SYT16: variants seen among roughly 807,000 people sequenced by gnomAD.
The protein encoded by SYT16 is synaptotagmin 16, also known as synaptotagmin-16.
In SYT16, 42 loss-of-function variants were observed where a neutral mutation model predicts 61.4. The observed-to-expected ratio is 0.68, with a 90% CI of 0.53 to 0.89. The LOEUF (loss-of-function observed/expected upper bound fraction) is 0.89. SYT16 is among the 40% of genes least tolerant of loss of function. The pLI is 0.00. For missense variants in SYT16, 804 were observed against 807.3 expected (o/e 1.00, Z 0.05); for synonymous variants, 314 against 302.3 (o/e 1.04, Z -0.40).
chr14:62,069,512 A>C (rs1230787888), intron 3 of SYT16, 91 bp from the exon 4 acceptor site: 2 of 1,288,262 alleles, frequency 1.6e-6, no homozygotes, highest in Admixed American at 4.1e-5. Context: ...CTCATTGTCC[A>C]CGTTCTTCTC....
At chr14:61,882,180 A>G (rs1594820124) in intron 1 of SYT16, among the ~76,000 whole-genome samples, 2 of 152,216 alleles carry the variant, frequency 1.3e-5, no homozygotes, top group South Asian at 4.1e-4. Flanking sequence ...ATTGTGCCAT[A>G]TACTATCCTC....
intron 3 of SYT16, among the ~76,000 whole-genome samples, chr14:62,038,164 T>C (rs1490515992): frequency 6.6e-6 from 1 of 151,644 alleles, no homozygotes; most frequent in African/African-American, 2.4e-5. Context: ...TAGTTTCGCT[T>C]GCAGGCATCT....
At chr14:62,060,097 A>G (rs1044392297) in intron 3 of SYT16, among the ~76,000 whole-genome samples, 4 of 152,074 alleles carry the variant, frequency 2.6e-5, no homozygotes, top group Admixed American at 6.5e-5. Flanking sequence ...TGACTACTCT[A>G]GGTCCTTTAT....
intron 1 of SYT16, among the ~76,000 whole-genome samples, chr14:61,917,340 A>T (rs1004965968): frequency 1.2e-4 from 19 of 152,080 alleles, no homozygotes; most frequent in Non-Finnish European, 2.6e-4. Flanking sequence ...TGACTAATCA[A>T]ATCAGTGGCC....
chr14:61,926,681 T>C (rs1211582580), intron 1 of SYT16, among the ~76,000 whole-genome samples: 1 of 152,168 alleles, frequency 6.6e-6, no homozygotes, highest in East Asian at 1.9e-4. Context: ...TGGAAATTCT[T>C]AACTTGGACT....
chr14:61,880,193 G>C (rs1031562589), intron 1 of SYT16, among the ~76,000 whole-genome samples: 1 of 152,162 alleles, frequency 6.6e-6, no homozygotes, highest in African/African-American at 2.4e-5. Flanking sequence ...TCCATTTGTT[G>C]GCTTGGCATA....
intron 1 of SYT16, among the ~76,000 whole-genome samples, chr14:61,819,566 C>G (rs1024272873): frequency 6.6e-6 from 1 of 152,164 alleles, no homozygotes; most frequent in Non-Finnish European, 1.5e-5. Context: ...TATAATTTTA[C>G]TCACAATGGA....
At chr14:62,006,047 T>C (rs2053209127) in intron 3 of SYT16, among the ~76,000 whole-genome samples, 1 of 152,142 alleles carries the variant, frequency 6.6e-6, no homozygotes, top group African/African-American at 2.4e-5. Flanking sequence ...CCCACTAATT[T>C]ACTTCAAATG....
At chr14:61,875,830 C>G (rs917002101) in intron 1 of SYT16, among the ~76,000 whole-genome samples, 5 of 152,218 alleles carry the variant, frequency 3.3e-5, no homozygotes, top group East Asian at 1.9e-4. Flanking sequence ...TGGGTGATCT[C>G]TGTACACTGG....
intron 3 of SYT16, among the ~76,000 whole-genome samples, chr14:62,046,262 G>A: frequency 6.6e-6 from 1 of 152,172 alleles, no homozygotes; most frequent in Non-Finnish European, 1.5e-5. Flanking sequence ...TTTGAGAAGT[G>A]TCTGTTCATA....
chr14:62,022,671 C>CT (rs1280060352), intron 3 of SYT16, among the ~76,000 whole-genome samples: 1 of 151,884 alleles, frequency 6.6e-6, no homozygotes, highest in Non-Finnish European at 1.5e-5. Flanking sequence ...ACTATTTGTG[C>CT]TTTTTTTACT....
At chr14:62,025,922 A>G (rs919129384) in intron 3 of SYT16, among the ~76,000 whole-genome samples, 4 of 151,974 alleles carry the variant, frequency 2.6e-5, no homozygotes, top group South Asian at 2.1e-4. Context: ...ACATTTTTCT[A>G]TTGGATCAAA....
At chr14:62,008,507 C>G (rs1468659615) in intron 3 of SYT16, among the ~76,000 whole-genome samples, 1 of 151,986 alleles carries the variant, frequency 6.6e-6, no homozygotes, top group Non-Finnish European at 1.5e-5. Context: ...TTTAAAGAAG[C>G]CATCCAGGAC....
At chr14:61,886,880 CTT>C (rs371140698) in intron 1 of SYT16, among the ~76,000 whole-genome samples, 2 of 110,830 alleles carry the variant, frequency 1.8e-5, no homozygotes, top group Non-Finnish European at 3.6e-5. Context: ...TTTTTTTTGT[CTT>C]TTTTTTTTTT....
intron 3 of SYT16, among the ~76,000 whole-genome samples, chr14:62,007,222 C>T (rs1410426499): frequency 6.6e-6 from 1 of 152,182 alleles, no homozygotes; most frequent in East Asian, 1.9e-4. Flanking sequence ...TACTGCATGT[C>T]AAATGTTGCA....
chr14:61,865,577 T>C (rs926772191), intron 1 of SYT16, among the ~76,000 whole-genome samples: 1 of 152,194 alleles, frequency 6.6e-6, no homozygotes, highest in African/African-American at 2.4e-5. Context: ...ATGGGAAAGA[T>C]GTGGATTGCC....
intron 2 of SYT16, among the ~76,000 whole-genome samples, chr14:61,981,156 A>G (rs1045408884): frequency 6.6e-6 from 1 of 152,172 alleles, no homozygotes; most frequent in African/African-American, 2.4e-5. Flanking sequence ...TTTTTGTACC[A>G]TTAAGGCCTT....
intron 1 of SYT16, among the ~76,000 whole-genome samples, chr14:61,924,524 C>A (rs1181039702): frequency 6.6e-6 from 1 of 152,122 alleles, no homozygotes; most frequent in Non-Finnish European, 1.5e-5. Flanking sequence ...AAATCAATTA[C>A]CTGAATGAAA....
chr14:62,063,366 T>C (rs2055913782), intron 3 of SYT16, among the ~76,000 whole-genome samples: 1 of 152,158 alleles, frequency 6.6e-6, no homozygotes, highest in East Asian at 1.9e-4. Flanking sequence ...ATAACAATAG[T>C]AGTTAAACAT....
Sources: gnomAD v4.1 joint callset for allele counts (sites outside exome capture counted in the v4.1 genomes callset) on GRCh38, gnomAD v4.1.1 for gene constraint, MANE v1.5 for transcripts, NCBI Gene and HGNC (gene_info 2026-07-23, HGNC 2026-07-21) for gene names.